The following KLF8 variants were observed in gnomAD, a reference collection of about 807,000 sequenced individuals.
The protein encoded by KLF8 is Krueppel-like factor 8.
KLF8 carries 10 observed loss-of-function variants against 18.2 expected under a neutral mutation model. The ratio of observed to expected loss-of-function variants is 0.55; its 90% CI spans 0.34 to 0.93. The LOEUF is 0.93. Among genes scored for constraint, KLF8 ranks in the 40% least tolerant of loss-of-function variants. The pLI is 0.02. For missense variants in KLF8, 264 were observed against 277.9 expected (o/e 0.95, Z 0.36); for synonymous variants, 109 against 97.3 (o/e 1.12, Z -0.71).
the KLF8 span, among the ~76,000 whole-genome samples, chrX:56,048,995 G>T: frequency 4.5e-4 from 50 of 111,568 alleles, no homozygotes; most frequent in Middle Eastern, 9.1e-3. Flanking sequence ...TCCCTTGTAA[G>T]TTGGATTCCT....
chrX:56,063,675 C>T, the KLF8 span, among the ~76,000 whole-genome samples: 1 of 111,611 alleles, frequency 9.0e-6, no homozygotes. Context: ...TAGTGGAGGT[C>T]AAGTGCTGTG....
chrX:56,221,271 A>C, the KLF8 span, among the ~76,000 whole-genome samples: 1 of 111,922 alleles, frequency 8.9e-6, no homozygotes, highest in Non-Finnish European at 1.9e-5. Flanking sequence ...TTTTATTCCT[A>C]CTTCGGTCAT....
the KLF8 span, among the ~76,000 whole-genome samples, chrX:55,947,237 C>G: frequency 1.8e-5 from 2 of 110,407 alleles, no homozygotes; most frequent in African/African-American, 6.6e-5. Context: ...GGAACCAAGC[C>G]AAATGTCCAA....
At chrX:56,245,769 C>T (rs2147592685) in intron 1 of KLF8, among the ~76,000 whole-genome samples, 1 of 112,075 alleles carries the variant, frequency 8.9e-6, no homozygotes, top group South Asian at 3.7e-4. Flanking sequence ...TGTATATTTC[C>T]TTACCACTTC....
intron 3 of KLF8, chrX:56,266,191 G>A: frequency 6.6e-6 from 5 of 757,248 alleles, no homozygotes; most frequent in Non-Finnish European, 7.8e-6. Flanking sequence ...ATGCTTTGGT[G>A]GGAAAGTTGA....
the KLF8 span, among the ~76,000 whole-genome samples, chrX:56,178,023 G>A: frequency 5.4e-5 from 6 of 111,770 alleles, no homozygotes; most frequent in African/African-American, 2.0e-4. Context: ...GCTGGGAAAG[G>A]GAATTCCCTG....
At chrX:56,054,408 T>A in the KLF8 span, among the ~76,000 whole-genome samples, 1 of 111,967 alleles carries the variant, frequency 8.9e-6, no homozygotes, top group African/African-American at 3.2e-5. Flanking sequence ...GAATGAATTT[T>A]TTAGTCCTGG....
chrX:56,096,307 G>A, the KLF8 span, among the ~76,000 whole-genome samples: 5 of 111,047 alleles, frequency 4.5e-5, no homozygotes, highest in Non-Finnish European at 9.5e-5. Flanking sequence ...GCGAGGGTAG[G>A]AGGCATGAGG....
At chrX:55,995,427 G>A in the KLF8 span, among the ~76,000 whole-genome samples, 1 of 112,042 alleles carries the variant, frequency 8.9e-6, no homozygotes, top group African/African-American at 3.2e-5. Context: ...CTGTCTTCAT[G>A]TTAGCTCATT....
intron 2 of KLF8, among the ~76,000 whole-genome samples, chrX:56,253,793 C>T (rs1373087873): frequency 1.0e-4 from 4 of 39,166 alleles, no homozygotes; most frequent in Non-Finnish European, 1.4e-4. Flanking sequence ...TGTTGTCTCA[C>T]TCTGTTGCCC....
chrX:55,979,339 CCTAGTTGCTTAACAGCTTTCTCA>C, the KLF8 span, among the ~76,000 whole-genome samples: 1 of 111,796 alleles, frequency 8.9e-6, no homozygotes, highest in Non-Finnish European at 1.9e-5. Flanking sequence ...CTACCTGCAT[CCTAGTTGCTTAACAGCTTTCTCA>C]GTTCTCAGAA....
the KLF8 span, among the ~76,000 whole-genome samples, chrX:56,008,118 C>CTATATATATATA: frequency 6.3e-3 from 629 of 99,773 alleles, 7 homozygotes; most frequent in African/African-American, 0.023. Flanking sequence ...TAGTGCAAAG[C>CTATATATATATA]TATATATATA....
the KLF8 span, among the ~76,000 whole-genome samples, chrX:55,991,382 G>A: frequency 2.7e-5 from 3 of 111,904 alleles, no homozygotes; most frequent in South Asian, 3.7e-4. Context: ...GGAGTGACTC[G>A]TTTCCAGTTG....
the KLF8 span, among the ~76,000 whole-genome samples, chrX:56,136,129 T>C: frequency 8.9e-6 from 1 of 111,801 alleles, no homozygotes; most frequent in Non-Finnish European, 1.9e-5. Context: ...GAACATTCCA[T>C]GCTCATGGGT....
At chrX:56,101,662 G>C in the KLF8 span, among the ~76,000 whole-genome samples, 1 of 111,277 alleles carries the variant, frequency 9.0e-6, no homozygotes, top group Non-Finnish European at 1.9e-5. Context: ...AGCCACTCTG[G>C]TATCTTGCTG....
At chrX:56,123,032 C>A in the KLF8 span, among the ~76,000 whole-genome samples, 1 of 110,669 alleles carries the variant, frequency 9.0e-6, no homozygotes, top group Non-Finnish European at 1.9e-5. Context: ...CACACACACA[C>A]AATAAGTGGG....
chrX:56,034,748 C>CTTTTTTTTTTTTTTTTT, the KLF8 span, among the ~76,000 whole-genome samples: 2 of 53,819 alleles, frequency 3.7e-5, no homozygotes, highest in African/African-American at 7.3e-5. Context: ...GAACTTATTT[C>CTTTTTTTTTTTTTTTTT]TTTTTTTTTT....
the KLF8 span, among the ~76,000 whole-genome samples, chrX:56,190,235 G>T: frequency 9.0e-6 from 1 of 110,573 alleles, no homozygotes; most frequent in South Asian, 3.8e-4. Context: ...GAAGATAGTA[G>T]AAGGTCAATA....
the KLF8 span, among the ~76,000 whole-genome samples, chrX:56,071,863 A>G: frequency 1.8e-5 from 2 of 111,896 alleles, no homozygotes; most frequent in Non-Finnish European, 3.8e-5. Flanking sequence ...TGGAGATATC[A>G]TTTGAGTAGT....
Sources: allele counts gnomAD v4.1 joint callset (sites outside exome capture counted in the v4.1 genomes callset), GRCh38; gene constraint gnomAD v4.1.1; transcripts MANE v1.5; gene names NCBI Gene and HGNC (gene_info 2026-07-23, HGNC 2026-07-21).